The following ZNF609 variants were observed in gnomAD, a reference collection of about 807,000 sequenced individuals.
ZNF609 encodes zinc finger protein 609.
A neutral mutation model predicts 109.5 loss-of-function variants in ZNF609; 11 were observed. That is an observed-to-expected ratio of 0.10 (90% confidence interval 0.06 to 0.17). The LOEUF is 0.17. Ranked by LOEUF, ZNF609 falls within the 10% of genes least tolerant of loss-of-function variation. ZNF609 has a pLI of 1.00. For synonymous variants in ZNF609, 646 were observed against 662.0 expected, an observed-to-expected ratio of 0.98 and a Z score of 0.37; for missense variants, 1,559 against 1,772.4, an observed-to-expected ratio of 0.88 and a Z score of 2.16.
intron 1 of ZNF609, among the ~76,000 whole-genome samples, chr15:64,487,988 T>G (rs1893355855): frequency 6.6e-6 from 1 of 152,184 alleles, no homozygotes; most frequent in Non-Finnish European, 1.5e-5. Flanking sequence ...GATAGAACTT[T>G]TACATTTATT....
rs552128925 is a variant in ZNF609 at position 64,549,386 on chromosome 15, G to T, written c.747+49220G>T. Among the ~76,000 whole-genome samples, 24 of 152,110 alleles carry T rather than the reference G, an allele frequency of 1.6e-4. No individual in the cohort carries two copies. The South Asian group carries it at 5.0e-3, about 32-fold the overall frequency. Reference sequence around the variant, plus strand: ...TTTTTTGTATTTTTAGTAGAAACAGGGTTTCACCATGTTTCAACAGCTAGG... The same window carrying T: ...TTTTTTGTATTTTTAGTAGAAACAGTGTTTCACCATGTTTCAACAGCTAGG... On this transcript the variant is annotated intron_variant, in intron 2 of 9. Coordinates refer to ENST00000326648, the MANE Select transcript of ZNF609 (RefSeq NM_015042.2).
intron 3 of ZNF609, among the ~76,000 whole-genome samples, chr15:64,640,143 G>T (rs1896233350): frequency 6.6e-6 from 1 of 151,972 alleles, no homozygotes; most frequent in Non-Finnish European, 1.5e-5. Flanking sequence ...GGATGGTGTT[G>T]ATCTCCTGAC....
chr15:64,628,399 G>A (rs1258231638), intron 3 of ZNF609, among the ~76,000 whole-genome samples: 2 of 151,980 alleles, frequency 1.3e-5, no homozygotes, highest in East Asian at 3.9e-4. Context: ...GCTCACACCT[G>A]TAATCCCAAC....
intron 2 of ZNF609, among the ~76,000 whole-genome samples, chr15:64,519,590 A>G (rs1166230284): frequency 6.6e-6 from 1 of 152,240 alleles, no homozygotes; most frequent in African/African-American, 2.4e-5. Context: ...ATTGAGGCAC[A>G]CTTTGAGGAA....
At chr15:64,532,457 C>T (rs1894076169) in intron 2 of ZNF609, among the ~76,000 whole-genome samples, 1 of 152,138 alleles carries the variant, frequency 6.6e-6, no homozygotes. Flanking sequence ...ATTTATTAAA[C>T]ATATGAATGA....
At position 64,683,657 on chromosome 15, in the gene ZNF609, C is replaced by G. The variant is rs543004386; in HGVS notation, c.*1971C>G. The G allele has an allele frequency of 3.3e-4, 51 of 152,410 alleles. No homozygotes were observed. The highest frequency in any genetic ancestry group is 1.1e-3 in the African/African-American group (47 of 41,582). The allele number at this position is 152,410 out of a possible 1,614,324, so 9.4% of individuals were successfully genotyped here. A position where few individuals can be genotyped will look rare whatever the true frequency, so the allele number is the denominator to read the frequency against. The stretch of plus-strand genomic sequence containing the variant: ...TAGTGCAGACACCGTCATCCCACCC[C>G]ACCTGAGTCACCCCAACCAAGAGGG... On this transcript the variant is annotated 3_prime_UTR_variant, in exon 10 of 10. Transcript: ENST00000326648.
chr15:64,587,654 TAG>T (rs764091795), intron 2 of ZNF609, among the ~76,000 whole-genome samples: 24 of 152,136 alleles, frequency 1.6e-4, no homozygotes, highest in Non-Finnish European at 3.1e-4. Flanking sequence ...ACCCCTGGTA[TAG>T]AGTGTTGAAG....
rs374381518 is a variant in ZNF609, at chr15:64,575,668, GTAT to G, written c.748-47157_748-47155del. Among the ~76,000 whole-genome samples, 310 of 152,196 alleles carry G rather than the reference GTAT, an allele frequency of 2.0e-3. 1 individual carries two copies. Among genetic ancestry groups the G allele is most frequent in the African/African-American group, 7.0e-3 (291 of 41,518 alleles). Reference sequence around the variant, plus strand: ...ATATAAATTAATGGGATCCCAGGTAGTATTTGTATATTTACAAAAAGGTTATGA... The same window carrying G: ...ATATAAATTAATGGGATCCCAGGTAGTTGTATATTTACAAAAAGGTTATGA... On this transcript the variant is annotated intron_variant, in intron 2 of 9. Transcript: ENST00000326648.
chr15:64,498,118 C>T (rs1893510113), intron 1 of ZNF609, among the ~76,000 whole-genome samples: 1 of 151,924 alleles, frequency 6.6e-6, no homozygotes, highest in East Asian at 1.9e-4. Flanking sequence ...GGTGTGATTT[C>T]AGCTCACTAC....
At chr15:64,676,856 C>T (rs1418161820) in intron 5 of ZNF609, among the ~76,000 whole-genome samples, 6 of 151,844 alleles carry the variant, frequency 4.0e-5, no homozygotes, top group African/African-American at 9.7e-5. Context: ...CAGGTTCACA[C>T]GATTCTCCTG....
At chr15:64,460,507 G>A (rs1325771737), upstream of ZNF609, among the ~76,000 whole-genome samples, 1 of 152,134 alleles carries the variant, frequency 6.6e-6, no homozygotes, top group African/African-American at 2.4e-5. Context: ...ACCGGCTCCA[G>A]ACTCCACACA....
intron 5 of ZNF609, 39 bp from the exon 6 acceptor site, chr15:64,678,077 T>C (rs1211177805): frequency 1.3e-6 from 2 of 1,585,984 alleles, no homozygotes; most frequent in Non-Finnish European, 1.7e-6. Flanking sequence ...ATCTGTCTTA[T>C]CTGTACAACA....
chr15:64,593,653 A>G (rs1895340199), intron 2 of ZNF609, among the ~76,000 whole-genome samples: 1 of 152,086 alleles, frequency 6.6e-6, no homozygotes, highest in Non-Finnish European at 1.5e-5. Flanking sequence ...CAGCTTCCCC[A>G]GTAGCTGGGA....
At chr15:64,474,661 G>T (rs1893141466) in intron 1 of ZNF609, among the ~76,000 whole-genome samples, 1 of 151,964 alleles carries the variant, frequency 6.6e-6, no homozygotes, top group South Asian at 2.1e-4. Context: ...GCACTTATAT[G>T]CCAGGCCACA....
At chr15:64,493,773 G>A (rs138130902) in intron 1 of ZNF609, among the ~76,000 whole-genome samples, 27 of 152,298 alleles carry the variant, frequency 1.8e-4, no homozygotes, top group Admixed American at 7.2e-4. Flanking sequence ...TCCTGATTCC[G>A]CACTTTCTCT....
At chr15:64,564,844 T>G (rs2733381) in intron 2 of ZNF609, among the ~76,000 whole-genome samples, 4 of 147,002 alleles carry the variant, frequency 2.7e-5, no homozygotes, top group African/African-American at 1.0e-4. Flanking sequence ...TCACTAACTG[T>G]TTTTTTTTTT....
intron 2 of ZNF609, among the ~76,000 whole-genome samples, chr15:64,533,754 T>C (rs1338458711): frequency 6.6e-6 from 1 of 152,242 alleles, no homozygotes; most frequent in Non-Finnish European, 1.5e-5. Flanking sequence ...TGTAGTTTCA[T>C]AAAATAATAC....
chr15:64,547,434 A>G (rs1411059675), intron 2 of ZNF609, among the ~76,000 whole-genome samples: 1 of 152,216 alleles, frequency 6.6e-6, no homozygotes, highest in Non-Finnish European at 1.5e-5. Context: ...TATAAAGTGG[A>G]TGAATACAGT....
chr15:64,585,322 G>A (rs187367856), intron 2 of ZNF609, among the ~76,000 whole-genome samples: 3 of 151,626 alleles, frequency 2.0e-5, no homozygotes, highest in Non-Finnish European at 4.4e-5. Flanking sequence ...GAGACTCTGG[G>A]GAAAAAAAAA....
Sources: gnomAD v4.1 joint callset for allele counts (sites outside exome capture counted in the v4.1 genomes callset) on GRCh38, gnomAD v4.1.1 for gene constraint, MANE v1.5 for transcripts, NCBI Gene and HGNC (gene_info 2026-07-23, HGNC 2026-07-21) for gene names.